ANXA8: variants seen among roughly 807,000 people sequenced by gnomAD.
The protein encoded by ANXA8 is annexin A8, also known as VAC-beta.
A neutral mutation model predicts 26.8 loss-of-function variants in ANXA8; 9 were observed. The observed-to-expected ratio is 0.34, with a 90% CI of 0.20 to 0.59. The LOEUF (loss-of-function observed/expected upper bound fraction) is 0.59. Ranked by LOEUF, ANXA8 falls within the 20% of genes least tolerant of loss-of-function variation. The pLI is 0.84. For missense variants in ANXA8, 83 were observed against 238.5 expected (o/e 0.35, Z 4.29); for synonymous variants, 39 against 94.8 (o/e 0.41, Z 3.42).
chr10:47,502,593 G>A, the ANXA8 span: 1 of 1,573,860 alleles, frequency 6.4e-7, no homozygotes, highest in African/African-American at 1.4e-5. Flanking sequence ...CACGGGAAAG[G>A]CGGGTGCCAA....
the ANXA8 span, among the ~76,000 whole-genome samples, chr10:47,501,269 A>G: frequency 7.3e-6 from 1 of 137,646 alleles, no homozygotes; most frequent in African/African-American, 2.7e-5. Flanking sequence ...GGATGGTCTC[A>G]ATCTCCTGAC....
chr10:47,700,485 A>G, the ANXA8 span, among the ~76,000 whole-genome samples: 5 of 152,010 alleles, frequency 3.3e-5, no homozygotes, highest in Middle Eastern at 3.4e-3. Context: ...GTATCTCACA[A>G]CAAACAGTAA....
the ANXA8 span, among the ~76,000 whole-genome samples, chr10:47,634,893 T>C: frequency 1.6e-5 from 1 of 61,520 alleles, no homozygotes; most frequent in East Asian, 6.8e-4. Flanking sequence ...GTGCTTTGGA[T>C]AGTCATAAGC....
chr10:47,737,287 T>A, the ANXA8 span, among the ~76,000 whole-genome samples: 17 of 151,928 alleles, frequency 1.1e-4, 1 homozygote, highest in African/African-American at 3.1e-4. Flanking sequence ...CTTCAAAAAA[T>A]TTTCTGAAAC....
At chr10:47,632,358 T>C in the ANXA8 span, among the ~76,000 whole-genome samples, 2 of 150,388 alleles carry the variant, frequency 1.3e-5, no homozygotes, top group Non-Finnish European at 2.9e-5. Flanking sequence ...CTTTTGTTTG[T>C]TTGTTTTAAT....
chr10:47,553,320 C>T, the ANXA8 span: 3 of 152,430 alleles, frequency 2.0e-5, no homozygotes, highest in Non-Finnish European at 4.4e-5. Context: ...CAACGACCCC[C>T]GGGCACACCT....
At chr10:47,684,431 G>A in the ANXA8 span, among the ~76,000 whole-genome samples, 27 of 147,144 alleles carry the variant, frequency 1.8e-4, no homozygotes, top group South Asian at 6.4e-4. Flanking sequence ...TTTGGGGGGG[G>A]GGTGAGGAGG....
At chr10:47,598,745 G>GGGGA in the ANXA8 span, among the ~76,000 whole-genome samples, 2 of 151,092 alleles carry the variant, frequency 1.3e-5, no homozygotes, top group Admixed American at 1.3e-4. Context: ...CTCCAAAACA[G>GGGGA]GGGAAGGAAG....
the ANXA8 span, among the ~76,000 whole-genome samples, chr10:47,513,196 G>A: frequency 1.3e-5 from 2 of 149,408 alleles, no homozygotes; most frequent in Admixed American, 6.7e-5. Flanking sequence ...CACCACGCCC[G>A]GCTAACTTTT....
At chr10:47,733,213 C>CTTTCTTTCTT in the ANXA8 span, among the ~76,000 whole-genome samples, 89 of 68,484 alleles carry the variant, frequency 1.3e-3, 3 homozygotes, top group Middle Eastern at 6.8e-3. Context: ...TTCTTTCTTT[C>CTTTCTTTCTT]TTTCTTTCTC....
chr10:47,603,691 A>T, the ANXA8 span, among the ~76,000 whole-genome samples: 1 of 148,148 alleles, frequency 6.8e-6, no homozygotes, highest in Non-Finnish European at 1.5e-5. Flanking sequence ...TTTGTATTTT[A>T]TTAGAGACGG....
chr10:47,528,474 A>G, the ANXA8 span, among the ~76,000 whole-genome samples: 1 of 142,200 alleles, frequency 7.0e-6, no homozygotes, highest in Admixed American at 7.2e-5. Flanking sequence ...AAAGCCTGAT[A>G]CACTAAACAA....
chr10:47,549,837 C>T, the ANXA8 span, among the ~76,000 whole-genome samples: 3 of 143,456 alleles, frequency 2.1e-5, no homozygotes, highest in Non-Finnish European at 3.0e-5. Flanking sequence ...GGCACAGTGG[C>T]TCATGCCTGT....
the ANXA8 span, among the ~76,000 whole-genome samples, chr10:47,894,751 AACACACCACATAT>A: frequency 6.6e-6 from 1 of 152,056 alleles, no homozygotes; most frequent in African/African-American, 2.4e-5. Flanking sequence ...ATACAGCACA[AACACACCACATAT>A]ACACACCACA....
At chr10:47,501,086 C>G in the ANXA8 span, among the ~76,000 whole-genome samples, 98 of 143,438 alleles carry the variant, frequency 6.8e-4, 1 homozygote, top group African/African-American at 2.4e-3. Context: ...GTATTTTTAG[C>G]AGAGATGGGG....
the ANXA8 span, among the ~76,000 whole-genome samples, chr10:47,904,550 T>A: frequency 4.9e-4 from 33 of 67,328 alleles, no homozygotes; most frequent in East Asian, 8.2e-3. Flanking sequence ...TAGAAAAAGA[T>A]CCACTAGTTG....
the ANXA8 span, among the ~76,000 whole-genome samples, chr10:47,974,893 T>A: frequency 6.7e-6 from 1 of 149,604 alleles, no homozygotes; most frequent in African/African-American, 2.4e-5. Flanking sequence ...GGAGTGAATG[T>A]CTATGAGGCC....
At chr10:47,952,977 TATCAC>T in the ANXA8 span, among the ~76,000 whole-genome samples, 16 of 147,942 alleles carry the variant, frequency 1.1e-4, 1 homozygote, top group Admixed American at 8.7e-4. Flanking sequence ...ACTTGAAATG[TATCAC>T]AGACAAAAAT....
chr10:47,589,545 T>G, the ANXA8 span: 1 of 146,434 alleles, frequency 6.8e-6, no homozygotes. Context: ...AGGCTTGTTC[T>G]GCGACTGTAT....
Sources: gnomAD v4.1 joint callset for allele counts (sites outside exome capture counted in the v4.1 genomes callset) on GRCh38, gnomAD v4.1.1 for gene constraint, MANE v1.5 for transcripts, NCBI Gene and HGNC (gene_info 2026-07-23, HGNC 2026-07-21) for gene names.